The following LHFPL6 variants were observed in gnomAD, a reference collection of about 807,000 sequenced individuals.
The protein encoded by LHFPL6 is LHFPL tetraspan subfamily member 6.
LHFPL6 carries 9 observed loss-of-function variants against 20.6 expected under a neutral mutation model. That is an observed-to-expected ratio of 0.44 (90% CI 0.26 to 0.76). The LOEUF (loss-of-function observed/expected upper bound fraction) is 0.76, where lower values mean the gene tolerates loss of function less well. Ranked by LOEUF, LHFPL6 falls within the 30% of genes least tolerant of loss-of-function variation. The probability of loss-of-function intolerance (pLI) is 0.20; values close to 1 mark genes in which losing one functional copy is unlikely to be tolerated. For synonymous variants in LHFPL6, 105 were observed against 98.7 expected (o/e 1.06, Z -0.38); for missense variants, 218 against 253.5 (o/e 0.86, Z 0.95).
intron 2 of LHFPL6, among the ~76,000 whole-genome samples, chr13:39,436,914 C>T (rs76699680): frequency 0.018 from 2,809 of 152,260 alleles, 41 homozygotes; most frequent in Middle Eastern, 0.027. Context: ...ACCACTTGAT[C>T]GCACAGTAGT....
At chr13:39,583,022 G>C (rs999972346) in intron 2 of LHFPL6, among the ~76,000 whole-genome samples, 1 of 152,100 alleles carries the variant, frequency 6.6e-6, no homozygotes, top group Non-Finnish European at 1.5e-5. Context: ...ACTTTGGTAG[G>C]CTCTGGAAAT....
chr13:39,446,240 C>T (rs185830317), intron 2 of LHFPL6, among the ~76,000 whole-genome samples: 1 of 152,258 alleles, frequency 6.6e-6, no homozygotes, highest in Admixed American at 6.5e-5. Flanking sequence ...ATGTAATCTC[C>T]TCCAACAGAG....
intron 2 of LHFPL6, among the ~76,000 whole-genome samples, chr13:39,510,661 C>A (rs1869664068): frequency 6.6e-6 from 1 of 152,044 alleles, no homozygotes; most frequent in Admixed American, 6.5e-5. Context: ...CACACACACA[C>A]AATGGAGAAG....
chr13:39,522,405 A>G (rs1016841825), intron 2 of LHFPL6, among the ~76,000 whole-genome samples: 4 of 151,350 alleles, frequency 2.6e-5, no homozygotes, highest in African/African-American at 9.7e-5. Context: ...TGTTGTTAGC[A>G]TGGCCAAGTC....
chr13:39,382,194 C>T (rs1389550570), intron 2 of LHFPL6, among the ~76,000 whole-genome samples: 1 of 152,212 alleles, frequency 6.6e-6, no homozygotes, highest in South Asian at 2.1e-4. Context: ...GTCTCCTATA[C>T]CAAGTTTCCC....
At chr13:39,551,556 A>G (rs962008418) in intron 2 of LHFPL6, among the ~76,000 whole-genome samples, 37 of 152,188 alleles carry the variant, frequency 2.4e-4, no homozygotes, top group African/African-American at 8.9e-4. Flanking sequence ...CTTCTTTTTC[A>G]AAACTGCTTT....
intron 2 of LHFPL6, among the ~76,000 whole-genome samples, chr13:39,413,258 G>C (rs942436853): frequency 1.1e-4 from 17 of 152,058 alleles, no homozygotes; most frequent in Non-Finnish European, 2.4e-4. Flanking sequence ...TAACATACTT[G>C]TATTATGCAA....
intron 2 of LHFPL6, among the ~76,000 whole-genome samples, chr13:39,536,351 G>A (rs1216241858): frequency 6.6e-6 from 1 of 152,084 alleles, no homozygotes; most frequent in Admixed American, 6.6e-5. Flanking sequence ...ATCTCCCTTC[G>A]AGAGGGGAGC....
chr13:39,479,034 T>TACAG (rs1555264216), intron 2 of LHFPL6, among the ~76,000 whole-genome samples: 2 of 143,988 alleles, frequency 1.4e-5, no homozygotes, highest in Admixed American at 7.0e-5. Flanking sequence ...GGGAGATAGA[T>TACAG]ATAGATAGAT....
rs1381580991 is a variant in LHFPL6, at chr13:39,552,264, C to G, written c.385+48568G>C. Among the ~76,000 whole-genome samples the G allele has an allele frequency of 3.9e-5, 6 of 152,274 alleles. No homozygotes were observed. The Middle Eastern group carries it at 0.014, about 345-fold the overall frequency. Reference sequence around the variant, plus strand: ...TGAAGCCTGTAACAGAGGCAGGGGTCAGCATTAATATAAGGAGAATCTATT... The same window carrying G: ...TGAAGCCTGTAACAGAGGCAGGGGTGAGCATTAATATAAGGAGAATCTATT... On this transcript the variant is annotated intron_variant, in intron 2 of 3. Coordinates refer to ENST00000379589, the MANE Select transcript of LHFPL6 (RefSeq NM_005780.3).
In LHFPL6 at chr13:39,378,431, G is replaced by A; in HGVS notation, c.481C>T (p.Leu161=). 2 of 1,613,400 alleles carry A rather than the reference G, an allele frequency of 1.2e-6. No homozygotes were observed. Among genetic ancestry groups the A allele is most frequent in the Non-Finnish European group, 1.7e-6 (2 of 1,179,548 alleles). ...TCGYTSGQFD[L]GKCEIGWAYY... ...GCCATCCATGAAGAAAGCTTACCCA[G>A]GTCAAACTGGCCAGAAGTGTAGCCA... Residue 161 remains leucine, a synonymous_variant, in exon 3 of 4, where the codon CTG becomes TTG. Coordinates refer to ENST00000379589, the MANE Select transcript of LHFPL6 (RefSeq NM_005780.3).
intron 2 of LHFPL6, among the ~76,000 whole-genome samples, chr13:39,491,373 T>C (rs1868920942): frequency 6.6e-6 from 1 of 151,930 alleles, no homozygotes; most frequent in Non-Finnish European, 1.5e-5. Context: ...GCTTCAAAGA[T>C]GGGGAATGGT....
At chr13:39,511,035 G>T (rs948573671) in intron 2 of LHFPL6, among the ~76,000 whole-genome samples, 3 of 152,048 alleles carry the variant, frequency 2.0e-5, no homozygotes, top group Admixed American at 2.0e-4. Flanking sequence ...ACCACGCCCA[G>T]CTAATTTTTG....
intron 2 of LHFPL6, among the ~76,000 whole-genome samples, chr13:39,386,246 G>A (rs1303898912): frequency 6.6e-6 from 1 of 152,080 alleles, no homozygotes; most frequent in Non-Finnish European, 1.5e-5. Context: ...CCTAGATAAT[G>A]GCCCCTTTAC....
At chr13:39,525,865 C>CT (rs751818389) in intron 2 of LHFPL6, among the ~76,000 whole-genome samples, 15 of 58,414 alleles carry the variant, frequency 2.6e-4, no homozygotes, top group Non-Finnish European at 3.8e-4. Context: ...GATAATTTTT[C>CT]CTTTTTTTTT....
intron 2 of LHFPL6, among the ~76,000 whole-genome samples, chr13:39,510,585 T>C (rs925831266): frequency 1.3e-5 from 2 of 152,146 alleles, no homozygotes; most frequent in Non-Finnish European, 2.9e-5. Flanking sequence ...ATCTATAACC[T>C]CAGTTCTTCA....
At chr13:39,471,281 T>C (rs990200600) in intron 2 of LHFPL6, among the ~76,000 whole-genome samples, 2 of 152,196 alleles carry the variant, frequency 1.3e-5, no homozygotes, top group Non-Finnish European at 2.9e-5. Flanking sequence ...ATTTCTATCA[T>C]TTCCACCTTT....
Position 39,510,960 on chromosome 13 carries a change from C to T in LHFPL6, c.385+89872G>A, listed in dbSNP as rs566935291. 6.4e-4 allele frequency among the ~76,000 whole-genome samples: 98 copies of T among 151,962 alleles called. 1 individual carries two copies. Among genetic ancestry groups the T allele is most frequent in the Admixed American group, 1.4e-3 (21 of 15,272 alleles). On this transcript the variant is annotated intron_variant, in intron 2 of 3. Coordinates refer to ENST00000379589, the MANE Select transcript of LHFPL6 (RefSeq NM_005780.3). ...CCATCTCAGCTCACTGCAACCTCCG[C>T]CTCCCAGGTTCAAGCGATTCTCCTG... is the stretch of plus-strand genomic sequence containing the variant.
chr13:39,566,077 C>T (rs922538694), intron 2 of LHFPL6, among the ~76,000 whole-genome samples: 8 of 152,028 alleles, frequency 5.3e-5, no homozygotes, highest in African/African-American at 1.4e-4. Context: ...CTTGAAAAAC[C>T]ATGTATACTT....
Sources: allele counts gnomAD v4.1 joint callset (sites outside exome capture counted in the v4.1 genomes callset), GRCh38; gene constraint gnomAD v4.1.1; transcripts MANE v1.5; gene names NCBI Gene and HGNC (gene_info 2026-07-23, HGNC 2026-07-21).